Variants in FMN1 observed in about 807,000 individuals in gnomAD.
The protein encoded by FMN1 is formin-1.
FMN1 carries 110 observed loss-of-function variants against 132.4 expected under a neutral mutation model. That is an observed-to-expected ratio of 0.83 (90% CI 0.71 to 0.97). FMN1 has a LOEUF of 0.97. Ranked by LOEUF, FMN1 falls within the 50% of genes least tolerant of loss-of-function variation. The pLI, the probability that FMN1 is intolerant of heterozygous loss-of-function variation, is 0.00. For missense variants in FMN1, 1,792 were observed against 1,705.3 expected, an observed-to-expected ratio of 1.05 and a Z score of -0.90; for synonymous variants, 722 against 651.7, an observed-to-expected ratio of 1.11 and a Z score of -1.64.
Position 32,901,944 on chromosome 15 carries a change from G to C in FMN1, c.3474C>G (p.His1158Gln). 6.2e-7 allele frequency: 1 copy of C among 1,612,850 alleles called. No homozygotes were observed. Among genetic ancestry groups the C allele is most frequent in the Non-Finnish European group, 8.5e-7 (1 of 1,179,446 alleles). The stretch of plus-strand genomic sequence containing the variant: ...CTCGCGTGATGATCTCTACCTTTCT[G>C]TGCAAGGAGGTGATACCCTCAGAAA... ...SVFSEGITSL[H>Q]RKVEIITRAS... Residue 1158 changes from histidine (H) to glutamine (Q), a missense_variant, in exon 13 of 21, where the codon CAC becomes CAG. This residue lies in a region of FMN1 where 1,150 missense variants were observed against 1,043.1 expected (regional missense o/e 1.10). Coordinates refer to ENST00000616417, the MANE Select transcript of FMN1 (RefSeq NM_001277313.2).
chr15:33,038,534 G>C (rs1023814241), intron 6 of FMN1, among the ~76,000 whole-genome samples: 1 of 152,276 alleles, frequency 6.6e-6, no homozygotes, highest in Non-Finnish European at 1.5e-5. Context: ...AAAATGTCCT[G>C]TCATCAAAAG....
At chr15:32,838,917 C>A (rs1451804283) in intron 17 of FMN1, among the ~76,000 whole-genome samples, 1 of 152,156 alleles carries the variant, frequency 6.6e-6, no homozygotes, top group Non-Finnish European at 1.5e-5. Context: ...CGACGATAGT[C>A]CAAAAGATGA....
intron 6 of FMN1, among the ~76,000 whole-genome samples, chr15:33,014,181 A>G (rs1280215484): frequency 6.6e-6 from 1 of 152,238 alleles, no homozygotes; most frequent in Non-Finnish European, 1.5e-5. Context: ...AGAGTTCACA[A>G]GAGAGTAGTA....
intron 19 of FMN1, among the ~76,000 whole-genome samples, chr15:32,786,156 G>C (rs571753880): frequency 6.6e-6 from 1 of 152,116 alleles, no homozygotes; most frequent in East Asian, 1.9e-4. Flanking sequence ...GTAAAGACAG[G>C]AGTTCAGAAT....
At chr15:32,813,096 T>C (rs576019548) in intron 17 of FMN1, among the ~76,000 whole-genome samples, 2 of 152,332 alleles carry the variant, frequency 1.3e-5, no homozygotes, top group South Asian at 2.1e-4. Context: ...AGCATTTACA[T>C]TGTATTAGGT....
intron 4 of FMN1, among the ~76,000 whole-genome samples, chr15:33,122,499 T>G (rs1385577910): frequency 6.6e-6 from 1 of 152,248 alleles, no homozygotes; most frequent in African/African-American, 2.4e-5. Context: ...ACAGTACATT[T>G]CATGTATACC....
chr15:33,060,736 C>T (rs2037444089), intron 6 of FMN1, among the ~76,000 whole-genome samples: 1 of 152,176 alleles, frequency 6.6e-6, no homozygotes, highest in Non-Finnish European at 1.5e-5. Flanking sequence ...AAAGCTTTTC[C>T]AGATGCACAT....
At position 32,765,997 on chromosome 15, in the gene FMN1, C is replaced by T. The variant is rs2056034132; in HGVS notation, c.*8313G>A. ...TTTTAAAAATGCAAAGGGAAAAATA[C>T]CTGAATCCAATGAGCTTATTATGCT... On this transcript the variant is annotated 3_prime_UTR_variant, in exon 21 of 21. Transcript: ENST00000616417. 6.6e-6 allele frequency: 1 copy of T among 152,036 alleles called. No individual in the cohort carries two copies. Among genetic ancestry groups the T allele is most frequent in the Non-Finnish European group, 1.5e-5 (1 of 68,018 alleles). The allele number at this position is 152,036 out of a possible 1,614,324, so 9.4% of individuals were successfully genotyped here.
At chr15:32,979,248 G>A (rs1015186282) in intron 7 of FMN1, among the ~76,000 whole-genome samples, 3 of 152,096 alleles carry the variant, frequency 2.0e-5, no homozygotes, top group Non-Finnish European at 4.4e-5. Context: ...CAAAGTACCA[G>A]ATCCTGTGGA....
intron 5 of FMN1, among the ~76,000 whole-genome samples, chr15:33,074,290 G>C (rs1182763958): frequency 1.3e-5 from 2 of 152,188 alleles, no homozygotes; most frequent in African/African-American, 4.8e-5. Context: ...GGAATATAAA[G>C]CCAAACAAAA....
At chr15:33,099,475 A>G (rs1462185429) in intron 4 of FMN1, among the ~76,000 whole-genome samples, 1 of 152,168 alleles carries the variant, frequency 6.6e-6, no homozygotes, top group East Asian at 1.9e-4. Context: ...AATAGCAGCA[A>G]TGTGATGTGC....
At chr15:32,904,977 A>G (rs1347864205) in intron 12 of FMN1, among the ~76,000 whole-genome samples, 4 of 152,226 alleles carry the variant, frequency 2.6e-5, no homozygotes, top group Non-Finnish European at 5.9e-5. Flanking sequence ...GTACTTCTGA[A>G]TATTTATGGA....
intron 4 of FMN1, among the ~76,000 whole-genome samples, chr15:33,133,609 T>C (rs1963640521): frequency 1.3e-5 from 2 of 152,174 alleles, no homozygotes; most frequent in Admixed American, 1.3e-4. Flanking sequence ...AACCCCACAG[T>C]TTCTGTAATT....
intron 16 of FMN1, among the ~76,000 whole-genome samples, chr15:32,880,401 G>GAA (rs2059740884): frequency 6.6e-6 from 1 of 152,146 alleles, no homozygotes; most frequent in Non-Finnish European, 1.5e-5. Flanking sequence ...TATATTAGAT[G>GAA]TATTAATTGT....
At chr15:32,833,771 C>G (rs2058560613) in intron 17 of FMN1, among the ~76,000 whole-genome samples, 1 of 152,122 alleles carries the variant, frequency 6.6e-6, no homozygotes, top group Non-Finnish European at 1.5e-5. Context: ...TTTTTTCCCC[C>G]TGAACTCTTA....
rs1491184174 is a variant in FMN1 at position 32,783,784 on chromosome 15, A to AAAAAAAAAAAAAG, written c.4131-6866_4131-6865insCTTTTTTTTTTTT. 2.8e-5 allele frequency among the ~76,000 whole-genome samples: 3 copies of AAAAAAAAAAAAAG among 105,820 alleles called. 1 individual carries two copies. Among genetic ancestry groups the AAAAAAAAAAAAAG allele is most frequent in the East Asian group, 2.9e-4 (1 of 3,484 alleles). 69.4% of individuals were successfully genotyped at this position (105,820 alleles called of 152,430 possible). ...AAAAAAAAAAAAAAAAAAAAAAAAAATAGTTGAAGTGGCGTGGCTTTCCAT... is the reference window on the plus strand; with the variant it reads ...AAAAAAAAAAAAAAAAAAAAAAAAAAAAAAAAAAAAAAGTAGTTGAAGTGGCGTGGCTTTCCAT... On this transcript the variant is annotated intron_variant, in intron 19 of 20. Transcript: ENST00000616417.
intron 9 of FMN1, among the ~76,000 whole-genome samples, chr15:32,950,441 A>G (rs1423909388): frequency 2.0e-5 from 3 of 152,132 alleles, no homozygotes; most frequent in Non-Finnish European, 2.9e-5. Flanking sequence ...CAACCTATAG[A>G]TGCCCATCAA....
chr15:33,068,101 T>C, intron 5 of FMN1: 1 of 1,258,818 alleles, frequency 7.9e-7, no homozygotes, highest in Non-Finnish European at 1.0e-6. Context: ...CTGTGAAAAA[T>C]CTGTGGAGTC....
At chr15:32,789,637 G>C (rs1329417930) in intron 19 of FMN1, among the ~76,000 whole-genome samples, 2 of 152,128 alleles carry the variant, frequency 1.3e-5, no homozygotes, top group African/African-American at 4.8e-5. Context: ...TAAATGTACA[G>C]TGTTTATAAC....
Sources: allele counts gnomAD v4.1 joint callset (sites outside exome capture counted in the v4.1 genomes callset), GRCh38; gene constraint gnomAD v4.1.1; regional missense constraint gnomAD v4.1.1; transcripts MANE v1.5; gene names NCBI Gene and HGNC (gene_info 2026-07-23, HGNC 2026-07-21).